Variants in ABCC4 observed in about 807,000 individuals in gnomAD.
ABCC4 encodes the protein ATP-binding cassette sub-family C member 4.
In ABCC4, 102 loss-of-function variants were observed where a neutral mutation model predicts 168.5. The ratio of observed to expected loss-of-function variants is 0.61; its 90% CI spans 0.52 to 0.71. ABCC4 has a LOEUF of 0.71. Ranked by LOEUF, ABCC4 falls within the 30% of genes least tolerant of loss-of-function variation. ABCC4 has a pLI of 0.00. For missense variants in ABCC4, 1,402 were observed against 1,605.8 expected (o/e 0.87, Z 2.17); for synonymous variants, 617 against 590.7 (o/e 1.04, Z -0.65).
intron 1 of ABCC4, among the ~76,000 whole-genome samples, chr13:95,273,382 T>C (rs1170768607): frequency 6.6e-6 from 1 of 152,158 alleles, no homozygotes; most frequent in Admixed American, 6.5e-5. Context: ...AATAACACCC[T>C]CTAGGCCATG....
chr13:95,110,485 A>AT (rs1397846400), intron 20 of ABCC4, among the ~76,000 whole-genome samples: 1 of 152,178 alleles, frequency 6.6e-6, no homozygotes, highest in African/African-American at 2.4e-5. Flanking sequence ...CTACAAATAA[A>AT]TTTGCACTAT....
chr13:95,082,301 T>C (rs1465524123), intron 21 of ABCC4, among the ~76,000 whole-genome samples: 1 of 152,228 alleles, frequency 6.6e-6, no homozygotes, highest in Non-Finnish European at 1.5e-5. Flanking sequence ...AATATGTTAA[T>C]TTGTGCATGC....
intron 1 of ABCC4, among the ~76,000 whole-genome samples, chr13:95,252,251 T>C (rs1482428074): frequency 6.6e-6 from 1 of 152,244 alleles, no homozygotes; most frequent in Non-Finnish European, 1.5e-5. Context: ...CTGAGGTTGC[T>C]GAGATCTGGT....
At chr13:95,033,695 T>A (rs1593977472) in intron 30 of ABCC4, among the ~76,000 whole-genome samples, 1 of 149,502 alleles carries the variant, frequency 6.7e-6, no homozygotes, top group Admixed American at 6.7e-5. Context: ...GGAGTTTCGC[T>A]CTTACTGCCC....
chr13:95,166,490 T>C, intron 14 of ABCC4, 123 bp from the exon 15 acceptor site: 1 of 802,108 alleles, frequency 1.2e-6, no homozygotes. Flanking sequence ...TCCGGAATCC[T>C]AGTTGACAAA....
At chr13:95,270,474 C>T (rs2040820145) in intron 1 of ABCC4, among the ~76,000 whole-genome samples, 4 of 152,130 alleles carry the variant, frequency 2.6e-5, no homozygotes. Flanking sequence ...GGGTCTGACC[C>T]TTCCTTCTCC....
chr13:95,133,089 T>C (rs888293228), intron 19 of ABCC4, among the ~76,000 whole-genome samples: 8 of 151,688 alleles, frequency 5.3e-5, no homozygotes, highest in Non-Finnish European at 1.2e-4. Context: ...GTTAGGTGCA[T>C]TTTACTATGA....
intron 4 of ABCC4, among the ~76,000 whole-genome samples, chr13:95,211,522 G>A (rs1414172998): frequency 6.6e-6 from 1 of 152,136 alleles, no homozygotes; most frequent in Non-Finnish European, 1.5e-5. Flanking sequence ...GAAGGAGGAT[G>A]TGGAGGCTGC....
intron 4 of ABCC4, among the ~76,000 whole-genome samples, chr13:95,220,188 ATTAT>A (rs2039275459): frequency 8.5e-5 from 1 of 11,732 alleles, no homozygotes; most frequent in Non-Finnish European, 5.2e-4. Context: ...CTAAAAGAAT[ATTAT>A]AAGAAACAAA....
intron 25 of ABCC4, among the ~76,000 whole-genome samples, chr13:95,065,065 A>C (rs184579340): frequency 7.9e-5 from 12 of 152,288 alleles, no homozygotes; most frequent in Admixed American, 7.2e-4. Flanking sequence ...ACTCAACATG[A>C]TTAATACCCA....
chr13:95,149,978 T>G (rs1025800342), intron 19 of ABCC4, among the ~76,000 whole-genome samples: 7 of 152,194 alleles, frequency 4.6e-5, no homozygotes, highest in African/African-American at 1.7e-4. Flanking sequence ...CAGATGTTGC[T>G]GCACAGTTTT....
intron 1 of ABCC4, among the ~76,000 whole-genome samples, chr13:95,253,840 A>G (rs1244490239): frequency 6.6e-6 from 1 of 152,174 alleles, no homozygotes; most frequent in Non-Finnish European, 1.5e-5. Flanking sequence ...ATGGAAGGTT[A>G]AGTGTTCCTT....
At chr13:95,136,222 G>T (rs1274636613) in intron 19 of ABCC4, among the ~76,000 whole-genome samples, 2 of 152,008 alleles carry the variant, frequency 1.3e-5, no homozygotes, top group Non-Finnish European at 2.9e-5. Context: ...CTCAAAAAGT[G>T]AGTATAGTGG....
chr13:95,085,167 G>A (rs1295131067), intron 20 of ABCC4, among the ~76,000 whole-genome samples: 3 of 152,116 alleles, frequency 2.0e-5, no homozygotes, highest in Non-Finnish European at 4.4e-5. Flanking sequence ...GGCCAGTTGT[G>A]GTGGCTCACA....
chr13:95,074,191 T>C (rs1356131882), intron 23 of ABCC4, 23 bp downstream of exon 23: 8 of 1,537,154 alleles, frequency 5.2e-6, no homozygotes, highest in South Asian at 1.1e-5. Context: ...ATACCATACA[T>C]AGTTATTCAC....
intron 3 of ABCC4, among the ~76,000 whole-genome samples, chr13:95,237,695 T>C (rs139014961): frequency 6.6e-6 from 1 of 152,148 alleles, no homozygotes; most frequent in Non-Finnish European, 1.5e-5. Context: ...ACATTACATG[T>C]CTAGGCCCAG....
intron 19 of ABCC4, among the ~76,000 whole-genome samples, chr13:95,157,460 G>A (rs1268536028): frequency 6.6e-6 from 1 of 151,838 alleles, no homozygotes; most frequent in African/African-American, 2.4e-5. Flanking sequence ...TCATGCCACT[G>A]CACTCGACTG....
intron 1 of ABCC4, chr13:95,269,211 G>A: frequency 2.2e-6 from 1 of 445,840 alleles, no homozygotes; most frequent in Admixed American, 2.4e-5. Flanking sequence ...TTTGTAGCTG[G>A]TTGACTAGAA....
At chr13:95,088,536 T>C (rs935187991) in intron 20 of ABCC4, among the ~76,000 whole-genome samples, 17 of 152,182 alleles carry the variant, frequency 1.1e-4, no homozygotes, top group African/African-American at 3.9e-4. Context: ...TATTCTGACA[T>C]AAGTGGATTT....
Sources: gnomAD v4.1 joint callset for allele counts (sites outside exome capture counted in the v4.1 genomes callset) on GRCh38, gnomAD v4.1.1 for gene constraint, MANE v1.5 for transcripts, NCBI Gene and HGNC (gene_info 2026-07-23, HGNC 2026-07-21) for gene names.